Variants in RUSC2 observed in about 807,000 individuals in gnomAD.
RUSC2 encodes AP-4 complex accessory subunit RUSC2.
A neutral mutation model predicts 122.2 loss-of-function variants in RUSC2; 34 were observed. The ratio of observed to expected loss-of-function variants is 0.28; its 90% confidence interval spans 0.21 to 0.37. RUSC2 has a LOEUF of 0.37. Ranked by LOEUF, RUSC2 falls within the 10% of genes least tolerant of loss-of-function variation. The probability of loss-of-function intolerance (pLI) is 1.00; values close to 1 mark genes in which losing one functional copy is unlikely to be tolerated. For missense variants in RUSC2, 1,747 were observed against 1,952.4 expected (o/e 0.89, Z 1.98); for synonymous variants, 784 against 790.0 (o/e 0.99, Z 0.13).
chr9:35,497,220 A>G (rs1321628484), intron 1 of RUSC2, among the ~76,000 whole-genome samples: 1 of 152,214 alleles, frequency 6.6e-6, no homozygotes, highest in Non-Finnish European at 1.5e-5. Flanking sequence ...GATACGACAC[A>G]GCAGTACATT....
chr9:35,541,715 G>A (rs192631465), intron 1 of RUSC2, among the ~76,000 whole-genome samples: 1,622 of 152,058 alleles, frequency 0.011, 34 homozygotes, highest in African/African-American at 0.038. Context: ...AAAGTGCTGG[G>A]ATTACAGGTG....
At chr9:35,499,134 A>C (rs958131326) in intron 1 of RUSC2, among the ~76,000 whole-genome samples, 5 of 151,990 alleles carry the variant, frequency 3.3e-5, no homozygotes, top group African/African-American at 1.2e-4. Context: ...TAAAAATACA[A>C]AAATTAGCCA....
At position 35,544,307 on chromosome 9, in the gene RUSC2, C is replaced by CTTTTT. The variant is rs55870659; in HGVS notation, c.-92-2108_-92-2104dup. Among the ~76,000 whole-genome samples, 404 of 113,088 alleles carry CTTTTT rather than the reference C, an allele frequency of 3.6e-3. 19 individuals are homozygous for CTTTTT. The highest frequency in any genetic ancestry group is 8.1e-3 in the African/African-American group (238 of 29,508). The allele number at this position is 113,088 out of a possible 152,430, so 74.2% of individuals were successfully genotyped here. The stretch of plus-strand genomic sequence containing the variant: ...CCCTGTCTTAAACTGGATCATATGT[C>CTTTTT]TTTTTTTTTTTTTTTTTTTGAGACA... On this transcript the variant is annotated intron_variant, in intron 1 of 11. Transcript: ENST00000361226.
chr9:35,526,444 G>A (rs1367458992), intron 1 of RUSC2, among the ~76,000 whole-genome samples: 1 of 152,126 alleles, frequency 6.6e-6, no homozygotes, highest in Non-Finnish European at 1.5e-5. Context: ...GGTATTTACT[G>A]TATGTCAGGC....
chr9:35,497,748 A>T (rs1820747190), intron 1 of RUSC2, among the ~76,000 whole-genome samples: 1 of 152,216 alleles, frequency 6.6e-6, no homozygotes, highest in African/African-American at 2.4e-5. Context: ...TAGTAGATGT[A>T]GAGGCTATTA....
chr9:35,522,799 T>A (rs1257708868), intron 1 of RUSC2, among the ~76,000 whole-genome samples: 5 of 152,236 alleles, frequency 3.3e-5, no homozygotes, highest in Admixed American at 3.3e-4. Flanking sequence ...TCATGCAGTC[T>A]GAGGTGAAAA....
At position 35,560,021 on chromosome 9, in the gene RUSC2, T is replaced by C. The variant is rs752040826; in HGVS notation, c.3389-8T>C. On this transcript the variant is annotated splice_region_variant and splice_polypyrimidine_tract_variant and intron_variant, in intron 9 of 11. Transcript: ENST00000361226. Reference sequence around the variant, plus strand: ...TGTGTGGATCAGTCCCTCTCTCTTTTCCCCTAGACATCATCCAGACCCACT... The same window carrying C: ...TGTGTGGATCAGTCCCTCTCTCTTTCCCCCTAGACATCATCCAGACCCACT... 3.5e-5 allele frequency: 56 copies of C among 1,577,550 alleles called. No homozygotes were observed. The highest frequency in any genetic ancestry group is 4.8e-5 in the Non-Finnish European group (55 of 1,156,418).
chr9:35,533,097 A>G (rs888858052), intron 1 of RUSC2, among the ~76,000 whole-genome samples: 3 of 151,998 alleles, frequency 2.0e-5, no homozygotes, highest in Admixed American at 2.0e-4. Flanking sequence ...AAATACAAAA[A>G]TTAGCCAAGC....
In RUSC2 at chr9:35,519,514, G is replaced by A. The variant is rs577636127; in HGVS notation, c.-92-26916G>A. ...ATCTTTGGTTTTGGAGAGCCTTGAG[G>A]CTCCCAGGGCCAGCCTACCAGCCTA... On this transcript the variant is annotated intron_variant, in intron 1 of 11. Coordinates refer to ENST00000361226, the MANE Select transcript of RUSC2 (RefSeq NM_014806.5). Among the ~76,000 whole-genome samples, 139 of 152,288 alleles carry A rather than the reference G, an allele frequency of 9.1e-4. 1 individual carries two copies. The highest frequency in any genetic ancestry group is 6.8e-3 in the Middle Eastern group (2 of 294).
Position 35,547,028 on chromosome 9 carries a change from G to A in RUSC2, c.507G>A (p.Val169=). 1 of 1,608,772 alleles carries A rather than the reference G, an allele frequency of 6.2e-7. No homozygotes were observed. The highest frequency in any genetic ancestry group is 8.5e-7 in the Non-Finnish European group (1 of 1,176,692). ...WGTTRSRAGV[V]EGQEQEPVMT... is the part of the protein sequence containing the mutation. ...CAACACGCAGTCGGGCTGGAGTGGTGGAAGGGCAGGAACAGGAGCCAGTGA... is the reference window on the plus strand; with the variant it reads ...CAACACGCAGTCGGGCTGGAGTGGTAGAAGGGCAGGAACAGGAGCCAGTGA... The change falls in exon 2 of 12, where the codon GTG becomes GTA. Residue 169 remains valine, a synonymous_variant. Transcript: ENST00000361226. This position sits in a 1 kb window ranked among gnomAD's most constrained non-coding sequence, Gnocchi z 4.6.
Position 35,553,180 on chromosome 9 carries a change from G to A in RUSC2, c.2015-1880G>A, listed in dbSNP as rs143919161. The stretch of plus-strand genomic sequence containing the variant: ...GGTGTGGAAGTCTGAAGGGAGAGCA[G>A]CCTAGCTCGTAGCAGGTGTGGGCAA... On this transcript the variant is annotated intron_variant, in intron 2 of 11. Transcript: ENST00000361226. Among the ~76,000 whole-genome samples, 15 of 152,314 alleles carry A rather than the reference G, an allele frequency of 9.8e-5. No homozygotes were observed. The East Asian group carries it at 2.9e-3, about 29-fold the overall frequency.
In RUSC2 at chr9:35,546,993, C is replaced by T. The variant is rs776683133; in HGVS notation, c.472C>T (p.Pro158Ser). ...ACCATCTGGCCCCAGAGTGGGCAGG[C>T]CATGGGGGACAACACGCAGTCGGGC... is the stretch of plus-strand genomic sequence containing the variant. ...LPPSGPRVGR[P>S]WGTTRSRAGV... The change falls in exon 2 of 12, where the codon CCA becomes TCA. Residue 158 changes from proline (P) to serine (S), a missense_variant. Transcript: ENST00000361226. This position sits in a 1 kb window ranked among gnomAD's most constrained non-coding sequence, Gnocchi z 4.3. 1 of 1,600,502 alleles carries T rather than the reference C, an allele frequency of 6.2e-7. No homozygotes were observed. The highest frequency in any genetic ancestry group is 1.7e-5 in the Admixed American group (1 of 59,350).
At position 35,546,926 on chromosome 9, in the gene RUSC2, C is replaced by A; in HGVS notation, c.405C>A (p.Gly135=). Residue 135 remains glycine, a synonymous_variant, in exon 2 of 12, where the codon GGC becomes GGA. Coordinates refer to ENST00000361226, the MANE Select transcript of RUSC2 (RefSeq NM_014806.5). This position sits in a 1 kb window ranked among gnomAD's most constrained non-coding sequence, Gnocchi z 4.3. ...CCCAGCAGTCCTTCCACCTGCATGG[C>A]ACTGGCCAGCCCAACTTTCATCTAT... The part of the protein sequence containing the change: ...SATQQSFHLH[G]TGQPNFHLSS... 6.3e-7 allele frequency: 1 copy of A among 1,575,478 alleles called. No homozygotes were observed. Among genetic ancestry groups the A allele is most frequent in the Non-Finnish European group, 8.6e-7 (1 of 1,159,862 alleles).
rs1470363603 is a variant in RUSC2, at chr9:35,549,279, TG to T, written c.2014+747del. On this transcript the variant is annotated intron_variant, in intron 2 of 11. Coordinates refer to ENST00000361226, the MANE Select transcript of RUSC2 (RefSeq NM_014806.5). The stretch of plus-strand genomic sequence containing the variant: ...TCTAACAACAACAACACACACACAC[TG>T]GGCGTCAGTGAAGTTTTTTTTTTTT... 5.9e-6 allele frequency: 5 copies of T among 844,226 alleles called. No homozygotes were observed. In the African/African-American group the frequency reaches 7.5e-5, roughly 13 times the overall value. 52.3% of individuals were successfully genotyped at this position (844,226 alleles called of 1,614,324 possible).
At position 35,561,063 on chromosome 9, in the gene RUSC2, CCA is replaced by C. The variant is rs879673213; in HGVS notation, c.4319_4320del (p.His1440LeufsTer11). 5.4e-5 allele frequency: 87 copies of C among 1,614,028 alleles called. No individual in the cohort carries two copies. Among genetic ancestry groups the C allele is most frequent in the Non-Finnish European group, 7.1e-5 (84 of 1,180,000 alleles). On this transcript the variant is annotated frameshift_variant, in exon 11 of 12. Transcript: ENST00000361226. LOFTEE classifies it high-confidence loss of function. ...AGAGCCCAAGGAGAGCCTGCAGGAG[CCA>C]CACTCCCCAGCCCTGCCCTCCAGTC... ...EPEPKESLQE[P>X]HSPALPSSPP...
At chr9:35,536,209 T>A (rs1486170817) in intron 1 of RUSC2, among the ~76,000 whole-genome samples, 1 of 152,204 alleles carries the variant, frequency 6.6e-6, no homozygotes. Context: ...TTTGTAATGA[T>A]CCTACTTGAC....
intron 1 of RUSC2, among the ~76,000 whole-genome samples, chr9:35,497,290 C>T (rs1820737157): frequency 6.6e-6 from 1 of 152,330 alleles, no homozygotes; most frequent in Middle Eastern, 3.4e-3. Flanking sequence ...AACATTCAGT[C>T]TTTTCTTGCA....
intron 1 of RUSC2, among the ~76,000 whole-genome samples, chr9:35,542,794 T>G (rs945483324): frequency 1.3e-5 from 2 of 152,238 alleles, no homozygotes; most frequent in Non-Finnish European, 2.9e-5. Flanking sequence ...CCCACGCTCA[T>G]GTGTTCTTCA....
At chr9:35,532,140 T>G (rs573111590) in intron 1 of RUSC2, among the ~76,000 whole-genome samples, 1 of 152,360 alleles carries the variant, frequency 6.6e-6, no homozygotes, top group African/African-American at 2.4e-5. Flanking sequence ...TTTTCAAGTT[T>G]GTGTTACAGG....
Sources: allele counts gnomAD v4.1 joint callset (sites outside exome capture counted in the v4.1 genomes callset), GRCh38; gene constraint gnomAD v4.1.1; non-coding constraint Gnocchi (gnomAD v3.1); transcripts MANE v1.5; gene names NCBI Gene and HGNC (gene_info 2026-07-23, HGNC 2026-07-21).